The following NELL2 variants were observed in gnomAD, a reference collection of about 807,000 sequenced individuals.
NELL2 encodes the protein protein kinase C-binding protein NELL2.
NELL2 carries 41 observed loss-of-function variants against 109.6 expected under a neutral mutation model. The observed-to-expected ratio is 0.37, with a 90% CI of 0.29 to 0.49. The LOEUF is 0.49. Among genes scored for constraint, NELL2 ranks in the 20% least tolerant of loss-of-function variants. The pLI is 0.98. For missense variants in NELL2, 900 were observed against 1,008.3 expected (o/e 0.89, Z 1.45); for synonymous variants, 355 against 344.7 (o/e 1.03, Z -0.33).
At chr12:44,656,301 C>G (rs1947497375) in intron 13 of NELL2, among the ~76,000 whole-genome samples, 1 of 149,106 alleles carries the variant, frequency 6.7e-6, no homozygotes, top group Non-Finnish European at 1.5e-5. Context: ...TTCCAACTTC[C>G]AGAGTAACCG....
intron 15 of NELL2, among the ~76,000 whole-genome samples, chr12:44,567,572 T>A (rs761508198): frequency 6.6e-6 from 1 of 152,116 alleles, no homozygotes; most frequent in Non-Finnish European, 1.5e-5. Context: ...AACAAGGGAA[T>A]GATGACTTAA....
intron 13 of NELL2, among the ~76,000 whole-genome samples, chr12:44,646,404 T>C (rs1201792235): frequency 6.6e-6 from 1 of 152,206 alleles, no homozygotes; most frequent in African/African-American, 2.4e-5. Context: ...TTCTAAGACC[T>C]GCAGTGAATG....
chr12:44,716,538 CCTCT>C (rs1200439485), intron 9 of NELL2, among the ~76,000 whole-genome samples: 2 of 151,906 alleles, frequency 1.3e-5, no homozygotes, highest in Non-Finnish European at 2.9e-5. Flanking sequence ...GCAAAATTTA[CCTCT>C]CTGACATCTA....
chr12:44,557,979 A>T (rs1485602287), intron 15 of NELL2, among the ~76,000 whole-genome samples: 3 of 152,216 alleles, frequency 2.0e-5, no homozygotes, highest in Non-Finnish European at 4.4e-5. Context: ...CACATGGAAC[A>T]TGGGGGAGTA....
intron 13 of NELL2, among the ~76,000 whole-genome samples, chr12:44,642,572 T>C (rs1265345927): frequency 6.6e-6 from 1 of 152,114 alleles, no homozygotes; most frequent in Non-Finnish European, 1.5e-5. Context: ...CAGTTAACAA[T>C]ATTGTCCCTT....
intron 13 of NELL2, among the ~76,000 whole-genome samples, chr12:44,655,053 A>T (rs923178878): frequency 6.6e-6 from 1 of 152,168 alleles, no homozygotes; most frequent in Admixed American, 6.5e-5. Flanking sequence ...GGCATGTATA[A>T]TCCTTTTATT....
chr12:44,642,612 T>C (rs542671272), intron 13 of NELL2, among the ~76,000 whole-genome samples: 2 of 152,318 alleles, frequency 1.3e-5, no homozygotes, highest in South Asian at 4.1e-4. Flanking sequence ...CCGGGCGTGG[T>C]GGATCATGCC....
intron 13 of NELL2, among the ~76,000 whole-genome samples, chr12:44,644,577 A>ATATATAT (rs1376840602): frequency 5.0e-4 from 46 of 92,736 alleles, no homozygotes; most frequent in Middle Eastern, 6.9e-3. Context: ...CAGACAAAGT[A>ATATATAT]AAGTATATAT....
chr12:44,659,385 A>G (rs1947651167), intron 13 of NELL2, among the ~76,000 whole-genome samples: 1 of 152,234 alleles, frequency 6.6e-6, no homozygotes, highest in African/African-American at 2.4e-5. Context: ...ACAGTGAAAG[A>G]AACTATCATC....
chr12:44,545,789 A>G (rs1027197068), intron 15 of NELL2, among the ~76,000 whole-genome samples: 3 of 152,134 alleles, frequency 2.0e-5, no homozygotes, highest in Non-Finnish European at 4.4e-5. Flanking sequence ...ATGGATGTGA[A>G]GCATCTATTG....
intron 3 of NELL2, among the ~76,000 whole-genome samples, chr12:44,785,321 C>A (rs567146003): frequency 6.6e-6 from 1 of 152,208 alleles, no homozygotes; most frequent in East Asian, 1.9e-4. Flanking sequence ...ATACAACTTA[C>A]AAGGGATGCG....
At chr12:44,590,048 C>G (rs1944686946) in intron 15 of NELL2, among the ~76,000 whole-genome samples, 1 of 152,152 alleles carries the variant, frequency 6.6e-6, no homozygotes, top group Non-Finnish European at 1.5e-5. Flanking sequence ...TATAATCACC[C>G]TAATCCAATT....
chr12:44,768,459 T>C (rs1282883544), intron 9 of NELL2, among the ~76,000 whole-genome samples: 1 of 152,180 alleles, frequency 6.6e-6, no homozygotes, highest in East Asian at 1.9e-4. Flanking sequence ...CTTAAAGTAA[T>C]ATACAAGTGA....
intron 15 of NELL2, among the ~76,000 whole-genome samples, chr12:44,561,723 T>G (rs1421530940): frequency 1.3e-5 from 2 of 152,140 alleles, no homozygotes; most frequent in African/African-American, 4.8e-5. Flanking sequence ...AGAATCAATA[T>G]AGTGAAAATG....
At chr12:44,835,366 C>G (rs748907185) in intron 2 of NELL2, among the ~76,000 whole-genome samples, 3 of 152,172 alleles carry the variant, frequency 2.0e-5, no homozygotes, top group Non-Finnish European at 4.4e-5. Context: ...AAACCACAGC[C>G]TAAAAAAGTA....
chr12:44,566,926 C>T (rs11829227), intron 15 of NELL2, among the ~76,000 whole-genome samples: 9,365 of 152,052 alleles, frequency 0.062, 448 homozygotes, highest in African/African-American at 0.13. Context: ...ATTCTCCTGC[C>T]TCAGGCTCCT....
chr12:44,770,497 T>C lies in NELL2; in HGVS notation c.994+4250A>G, dbSNP rs11182664. On this transcript the variant is annotated intron_variant, in intron 9 of 19. Coordinates refer to ENST00000429094, the MANE Select transcript of NELL2 (RefSeq NM_001145108.2). Reference sequence around the variant, plus strand: ...ATTAACTATTCAATATGCAAAGATATTACAGTAAGTCCACTTTAACTAAAC... The same window carrying C: ...ATTAACTATTCAATATGCAAAGATACTACAGTAAGTCCACTTTAACTAAAC... 2.2e-3 allele frequency among the ~76,000 whole-genome samples: 339 copies of C among 152,260 alleles called. 9 individuals are homozygous for C. In the East Asian group the frequency reaches 0.048, roughly 22 times the overall value.
rs544947535 is a variant in NELL2, at chr12:44,796,820, T to A, written c.336-16798A>T. Among the ~76,000 whole-genome samples the A allele has an allele frequency of 1.6e-4, 25 of 152,234 alleles. No homozygotes were observed. The South Asian group carries it at 5.0e-3, about 30-fold the overall frequency. On this transcript the variant is annotated intron_variant, in intron 3 of 19. Coordinates refer to ENST00000429094, the MANE Select transcript of NELL2 (RefSeq NM_001145108.2). The stretch of plus-strand genomic sequence containing the variant: ...ATTGAAGCCCTAGCATCCAACATGA[T>A]GGCTTGAATAACAACCTATCTTATT...
intron 9 of NELL2, among the ~76,000 whole-genome samples, chr12:44,761,762 C>T (rs971225815): frequency 1.3e-5 from 2 of 152,156 alleles, no homozygotes; most frequent in African/African-American, 4.8e-5. Context: ...ATTAACCTAA[C>T]TAAAATAACT....
Sources: allele counts gnomAD v4.1 joint callset (sites outside exome capture counted in the v4.1 genomes callset), GRCh38; gene constraint gnomAD v4.1.1; transcripts MANE v1.5; gene names NCBI Gene and HGNC (gene_info 2026-07-23, HGNC 2026-07-21).